Variants in OXNAD1 observed in about 807,000 individuals in gnomAD.
OXNAD1 encodes the protein oxidoreductase NAD-binding domain-containing protein 1.
In OXNAD1, 34 loss-of-function variants were observed where a neutral mutation model predicts 32.9. The observed-to-expected ratio is 1.03, with a 90% CI of 0.79 to 1.38. The LOEUF (loss-of-function observed/expected upper bound fraction) is 1.38, where lower values mean the gene tolerates loss of function less well. OXNAD1 is among the 40% of genes most tolerant of loss of function. The probability of loss-of-function intolerance (pLI) is 0.00; values close to 1 mark genes in which losing one functional copy is unlikely to be tolerated. For synonymous variants in OXNAD1, 134 were observed against 135.2 expected (o/e 0.99, Z 0.06); for missense variants, 407 against 379.4 (o/e 1.07, Z -0.60).
At position 16,288,964 on chromosome 3, in the gene OXNAD1, C is replaced by T. The variant is rs111386392; in HGVS notation, c.290+2516C>T. Among the ~76,000 whole-genome samples, 1 of 152,192 alleles carries T rather than the reference C, an allele frequency of 6.6e-6. No homozygotes were observed. The highest frequency in any genetic ancestry group is 1.5e-5 in the Non-Finnish European group (1 of 68,036). ...ACTGTGGGTAGCAGTGTATTGTCGC[C>T]TAGTGCCCTGGAGACTGCTCAGCTC... On this transcript the variant is annotated intron_variant, in intron 5 of 8. Transcript: ENST00000285083. This position sits in a 1 kb window ranked among gnomAD's most constrained non-coding sequence, Gnocchi z 5.1.
At chr3:16,276,835 G>GA (rs1339348833) in intron 4 of OXNAD1, among the ~76,000 whole-genome samples, 1 of 151,666 alleles carries the variant, frequency 6.6e-6, no homozygotes, top group Non-Finnish European at 1.5e-5. Flanking sequence ...CCACAAGTCA[G>GA]AAAATTACAG....
In OXNAD1 at chr3:16,284,015, A is replaced by T. The variant is rs1465931184; in HGVS notation, c.184-2327A>T. ...GGTGAGCATCAAGGAAAAAGGGAAGATTCTGTGGGCTATAGAAGAGCTGAT... is the reference window on the plus strand; with the variant it reads ...GGTGAGCATCAAGGAAAAAGGGAAGTTTCTGTGGGCTATAGAAGAGCTGAT... On this transcript the variant is annotated intron_variant, in intron 4 of 8. Coordinates refer to ENST00000285083, the MANE Select transcript of OXNAD1 (RefSeq NM_138381.5). The surrounding 1 kb of genome is among the most constrained non-coding windows in gnomAD (Gnocchi z 4.1). 6.6e-6 allele frequency among the ~76,000 whole-genome samples: 1 copy of T among 152,168 alleles called. No individual in the cohort carries two copies. Among genetic ancestry groups the T allele is most frequent in the African/African-American group, 2.4e-5 (1 of 41,438 alleles).
At chr3:16,318,828 C>T (rs2068722187) in intron 9 of OXNAD1, among the ~76,000 whole-genome samples, 1 of 152,212 alleles carries the variant, frequency 6.6e-6, no homozygotes, top group African/African-American at 2.4e-5. Flanking sequence ...CTGTAGCTGA[C>T]AGACTTCCCT....
chr3:16,333,120 T>C (rs899638201), intron 9 of OXNAD1, among the ~76,000 whole-genome samples: 2 of 152,234 alleles, frequency 1.3e-5, no homozygotes, highest in Admixed American at 1.3e-4. Flanking sequence ...AAGCACATCA[T>C]AGCATTCCTG....
chr3:16,286,295 T>C, intron 4 of OXNAD1, 47 bp from the exon 5 acceptor site: 1 of 1,413,552 alleles, frequency 7.1e-7, no homozygotes, highest in Admixed American at 1.7e-5. Context: ...TTGTCCCTTG[T>C]GCTGTGTACG....
Position 16,299,716 on chromosome 3 carries a change from C to T in OXNAD1, c.433-1910C>T, listed in dbSNP as rs1038062058. On this transcript the variant is annotated intron_variant, in intron 6 of 8. Coordinates refer to ENST00000285083, the MANE Select transcript of OXNAD1 (RefSeq NM_138381.5). The surrounding 1 kb of genome is among the most constrained non-coding windows in gnomAD (Gnocchi z 4.4). ...CTAAGGGTTTGGTTCTCAAAAAGCA[C>T]GCGATGTGTTATTACTTCTTAGGAG... Among the ~76,000 whole-genome samples, 5 of 152,166 alleles carry T rather than the reference C, an allele frequency of 3.3e-5. No individual in the cohort carries two copies. Among genetic ancestry groups the T allele is most frequent in the South Asian group, 2.1e-4 (1 of 4,836 alleles).
rs939743947 is a variant in OXNAD1, at chr3:16,346,205, T to G, written c.*31-2971T>G. 6.6e-6 allele frequency: 1 copy of G among 152,188 alleles called. No homozygotes were observed. The highest frequency in any genetic ancestry group is 1.5e-5 in the Non-Finnish European group (1 of 68,034). The allele number at this position is 152,188 out of a possible 1,614,324, so 9.4% of individuals were successfully genotyped here. A position where few individuals can be genotyped will look rare whatever the true frequency, so the allele number is the denominator to read the frequency against. On this transcript the variant is annotated intron_variant, in intron 9 of 9. Transcript: ENST00000606098. The surrounding 1 kb of genome is among the most constrained non-coding windows in gnomAD (Gnocchi z 4.4). ...ATTTTTAATGACTACACACCTTCCC[T>G]TGACTAAATGGAATCAATCCTTCCT...
In OXNAD1 at chr3:16,327,793, C is replaced by T. The variant is rs543504907; in HGVS notation, c.*31-9319C>T. 6.6e-6 allele frequency among the ~76,000 whole-genome samples: 1 copy of T among 151,814 alleles called. No homozygotes were observed. Among genetic ancestry groups the T allele is most frequent in the East Asian group, 2.0e-4 (1 of 5,104 alleles). ...AAAAACAAAACGAAAAAAACTTCAG[C>T]CCCCTGCTAGCACAGGGAGAGAGCC... is the stretch of plus-strand genomic sequence containing the variant. On this transcript the variant is annotated intron_variant, in intron 9 of 9. Coordinates refer to the OXNAD1 transcript ENST00000435829. The surrounding 1 kb of genome is among the most constrained non-coding windows in gnomAD (Gnocchi z 4.2).
chr3:16,316,879 C>T lies in OXNAD1; in HGVS notation c.*30+13287C>T, dbSNP rs767123258. 5.6e-5 allele frequency: 91 copies of T among 1,614,088 alleles called. No homozygotes were observed. The highest frequency in any genetic ancestry group is 7.5e-5 in the Non-Finnish European group (88 of 1,180,044). ...CTCTGACTTCCTCAGCATCCCCGTC[C>T]CTGGCATCCTCTCCAGGATTGGAGT... is the stretch of plus-strand genomic sequence containing the variant. On this transcript the variant is annotated intron_variant, in intron 9 of 9. Transcript: ENST00000435829. This position sits in a 1 kb window ranked among gnomAD's most constrained non-coding sequence, Gnocchi z 4.5.
intron 9 of OXNAD1, chr3:16,349,043 T>G (rs1041173874): frequency 1.3e-5 from 2 of 152,206 alleles, no homozygotes; most frequent in Admixed American, 6.5e-5. Flanking sequence ...CAGGACTCAA[T>G]AATCAGATCA....
In OXNAD1 at chr3:16,329,355, G is replaced by A. The variant is rs1417463221; in HGVS notation, c.*31-7757G>A. Among the ~76,000 whole-genome samples the A allele has an allele frequency of 6.6e-6, 1 of 152,122 alleles. No homozygotes were observed. The highest frequency in any genetic ancestry group is 2.4e-5 in the African/African-American group (1 of 41,402). ...GGGCGGAAGTGGAGAAAGGGAAAGGGAAAGAGGAAACTTAATAAAGGAAGG... is the reference window on the plus strand; with the variant it reads ...GGGCGGAAGTGGAGAAAGGGAAAGGAAAAGAGGAAACTTAATAAAGGAAGG... On this transcript the variant is annotated intron_variant, in intron 9 of 9. Coordinates refer to the OXNAD1 transcript ENST00000435829. The surrounding 1 kb of genome is among the most constrained non-coding windows in gnomAD (Gnocchi z 4.5).
chr3:16,300,212 T>A (rs1470447525), intron 6 of OXNAD1, among the ~76,000 whole-genome samples: 1 of 152,210 alleles, frequency 6.6e-6, no homozygotes, highest in African/African-American at 2.4e-5. Context: ...GGTTTTTTTT[T>A]AAATAACATA....
intron 4 of OXNAD1, among the ~76,000 whole-genome samples, chr3:16,273,718 T>C (rs2124987930): frequency 6.6e-6 from 1 of 152,306 alleles, no homozygotes; most frequent in African/African-American, 2.4e-5. Flanking sequence ...ATGAAAAGAC[T>C]AAGAATCGGA....
At chr3:16,308,039 G>A (rs373871441), downstream of OXNAD1, among the ~76,000 whole-genome samples, 13 of 152,316 alleles carry the variant, frequency 8.5e-5, no homozygotes, top group East Asian at 1.5e-3. This position sits in a 1 kb window ranked among gnomAD's most constrained non-coding sequence, Gnocchi z 4.4. Flanking sequence ...TTGAGCATCT[G>A]CTATGTGCGG....
rs1460512506 is a variant in OXNAD1, at chr3:16,286,443, C to T, written c.285C>T (p.Gly95=). Reference sequence around the variant, plus strand: ...ATCAAGACTTTTCCTTTAAAGCTGGCCAGTGGTAAGTGACTTTTCTGTGTT... The same window carrying T: ...ATCAAGACTTTTCCTTTAAAGCTGGTCAGTGGTAAGTGACTTTTCTGTGTT... The part of the protein sequence containing the change: ...VADQDFSFKA[G]QWVDFFIPGV... The change falls in exon 5 of 9, where the codon GGC becomes GGT. Residue 95 remains glycine, a synonymous_variant. Coordinates refer to ENST00000285083, the MANE Select transcript of OXNAD1 (RefSeq NM_138381.5). 1.2e-6 allele frequency: 2 copies of T among 1,613,222 alleles called. No homozygotes were observed.
downstream of OXNAD1, among the ~76,000 whole-genome samples, chr3:16,310,435 T>C (rs79774390): frequency 6.6e-6 from 1 of 152,214 alleles, no homozygotes; most frequent in African/African-American, 2.4e-5. Context: ...TTTAAGCCTT[T>C]ATATTATTTA....
chr3:16,286,037 C>T (rs545851782), intron 4 of OXNAD1, among the ~76,000 whole-genome samples: 1 of 152,246 alleles, frequency 6.6e-6, no homozygotes, highest in South Asian at 2.1e-4. Flanking sequence ...GTGCCTAGCC[C>T]AGTGCACAGC....
At chr3:16,325,832 G>A (rs2125221067) in intron 9 of OXNAD1, among the ~76,000 whole-genome samples, 2 of 152,296 alleles carry the variant, frequency 1.3e-5, no homozygotes, top group African/African-American at 4.8e-5. Flanking sequence ...ACCCTGGTTT[G>A]CCAGCCTTGC....
chr3:16,350,508 A>G (rs1216938584), downstream of OXNAD1, among the ~76,000 whole-genome samples: 1 of 148,886 alleles, frequency 6.7e-6, no homozygotes, highest in Non-Finnish European at 1.5e-5. Flanking sequence ...TTTTTTTTTT[A>G]AAGGAAAAGG....
Sources: gnomAD v4.1 joint callset for allele counts (sites outside exome capture counted in the v4.1 genomes callset) on GRCh38, gnomAD v4.1.1 for gene constraint, Gnocchi (gnomAD v3.1) non-coding constraint, MANE v1.5 for transcripts, NCBI Gene and HGNC (gene_info 2026-07-23, HGNC 2026-07-21) for gene names.